COL24A1: variants seen among roughly 807,000 people sequenced by gnomAD.
COL24A1 encodes the protein collagen alpha-1(XXIV) chain.
A neutral mutation model predicts 253.9 loss-of-function variants in COL24A1; 224 were observed. That is an observed-to-expected ratio of 0.88 (90% CI 0.79 to 0.99). COL24A1 has a LOEUF of 0.99. COL24A1 is among the 50% of genes least tolerant of loss of function. The pLI is 0.00. For synonymous variants in COL24A1, 685 were observed against 673.7 expected, an observed-to-expected ratio of 1.02 and a Z score of -0.26; for missense variants, 2,131 against 2,068.5, an observed-to-expected ratio of 1.03 and a Z score of -0.59.
At position 85,961,246 on chromosome 1, in the gene COL24A1, T is replaced by C. The variant is rs1312861338; in HGVS notation, c.2562+3A>G. The stretch of plus-strand genomic sequence containing the variant: ...AAAAAATAAGAGCATAAAATAAGCT[T>C]ACTGTTTCACCAATTTTTCCAATAT... On this transcript the variant is annotated splice_donor_region_variant and intron_variant, in intron 24 of 59. Transcript: ENST00000370571. 3 of 1,591,800 alleles carry C rather than the reference T, an allele frequency of 1.9e-6. No homozygotes were observed. The highest frequency in any genetic ancestry group is 2.6e-6 in the Non-Finnish European group (3 of 1,160,544).
intron 47 of COL24A1, among the ~76,000 whole-genome samples, chr1:85,803,813 A>G (rs1671684348): frequency 6.6e-6 from 1 of 152,162 alleles, no homozygotes; most frequent in Non-Finnish European, 1.5e-5. Flanking sequence ...TACTTCTTCT[A>G]TTCCAATCTA....
At chr1:85,870,655 C>A (rs1334228730) in intron 35 of COL24A1, among the ~76,000 whole-genome samples, 1 of 152,118 alleles carries the variant, frequency 6.6e-6, no homozygotes, top group Non-Finnish European at 1.5e-5. Context: ...CCAATGAGAA[C>A]AAAGACACAA....
intron 19 of COL24A1, among the ~76,000 whole-genome samples, chr1:86,012,342 C>T (rs181396483): frequency 1.3e-5 from 2 of 152,156 alleles, no homozygotes; most frequent in Non-Finnish European, 2.9e-5. Flanking sequence ...GTAATCCCAG[C>T]ACTTTGGGAG....
chr1:85,870,149 A>C (rs576102517), intron 35 of COL24A1, among the ~76,000 whole-genome samples: 1 of 152,360 alleles, frequency 6.6e-6, no homozygotes, highest in African/African-American at 2.4e-5. Flanking sequence ...AGAGCTAACT[A>C]TCCTAAATAT....
chr1:86,075,644 A>C (rs1702194819), intron 7 of COL24A1, among the ~76,000 whole-genome samples: 1 of 152,226 alleles, frequency 6.6e-6, no homozygotes, highest in African/African-American at 2.4e-5. Flanking sequence ...AAAATACTCA[A>C]AAAAATACTT....
intron 5 of COL24A1, 105 bp downstream of exon 5, chr1:86,112,462 C>A (rs1262983006): frequency 2.1e-6 from 2 of 940,736 alleles, no homozygotes; most frequent in Non-Finnish European, 3.3e-6. Context: ...GACAGAGATC[C>A]TTGATGTATC....
chr1:86,004,923 A>T (rs763210246), intron 19 of COL24A1, among the ~76,000 whole-genome samples: 59 of 152,204 alleles, frequency 3.9e-4, no homozygotes, highest in Non-Finnish European at 4.0e-4. Context: ...TCAATCCAAT[A>T]AAGGCAGGAA....
chr1:85,773,514 T>C (rs1300739818), intron 53 of COL24A1, among the ~76,000 whole-genome samples: 1 of 152,176 alleles, frequency 6.6e-6, no homozygotes, highest in Non-Finnish European at 1.5e-5. Flanking sequence ...ATGGAATGTT[T>C]TTCCATTTGT....
At chr1:85,796,595 T>C (rs977061825) in intron 47 of COL24A1, among the ~76,000 whole-genome samples, 1 of 152,168 alleles carries the variant, frequency 6.6e-6, no homozygotes, top group African/African-American at 2.4e-5. Flanking sequence ...ATGAGGGCAG[T>C]TTTTTGACCA....
At chr1:85,918,861 A>C (rs184361430) in intron 24 of COL24A1, among the ~76,000 whole-genome samples, 1 of 152,338 alleles carries the variant, frequency 6.6e-6, no homozygotes, top group East Asian at 1.9e-4. Context: ...AGATTGTTTT[A>C]CTGTTTGAAA....
intron 1 of COL24A1, 77 bp from the exon 2 acceptor site, chr1:86,146,260 T>C (rs1208559845): frequency 3.6e-6 from 4 of 1,109,742 alleles, no homozygotes; most frequent in Non-Finnish European, 4.0e-6. Context: ...AAACAGTCTA[T>C]GCAAGATTAA....
chr1:86,126,143 G>T lies in COL24A1; in HGVS notation c.193C>A (p.Pro65Thr). The change falls in exon 3 of 60, where the codon CCA (proline) becomes ACA (threonine). Residue 65 changes from proline to threonine, a missense_variant. Pro to Thr is a conservative substitution (Grantham distance 38). Transcript: ENST00000370571. The part of the protein sequence containing the change: ...VRHSSPATAV[P>T]SASTPLPQGV... ...TGAGGTAACGGTGTAGATGCTGATG[G>T]TACAGCAGTCGCTGGTGATGAGTGT... 2.5e-6 allele frequency: 4 copies of T among 1,610,136 alleles called. No homozygotes were observed. In the East Asian group the frequency reaches 6.7e-5, roughly 27 times the overall value.
At chr1:85,974,867 A>C (rs1571434227) in intron 20 of COL24A1, among the ~76,000 whole-genome samples, 1 of 152,206 alleles carries the variant, frequency 6.6e-6, no homozygotes, top group Admixed American at 6.5e-5. Flanking sequence ...TCATGTTACC[A>C]TCAGCATCAT....
chr1:85,991,544 A>G (rs1275431173), intron 19 of COL24A1, among the ~76,000 whole-genome samples: 1 of 152,186 alleles, frequency 6.6e-6, no homozygotes, highest in Non-Finnish European at 1.5e-5. Context: ...AGTCTGTCTT[A>G]TAATTGTTTG....
chr1:86,033,060 C>T (rs1048124376), intron 13 of COL24A1, among the ~76,000 whole-genome samples: 3 of 152,106 alleles, frequency 2.0e-5, no homozygotes, highest in African/African-American at 7.2e-5. Context: ...AAAATCAGTT[C>T]TACTTTTATC....
At position 85,842,100 on chromosome 1, in the gene COL24A1, G is replaced by T. The variant is rs755786031; in HGVS notation, c.3538C>A (p.Pro1180Thr). The T allele has an allele frequency of 3.1e-6, 5 of 1,613,630 alleles. No homozygotes were observed. The highest frequency in any genetic ancestry group is 4.2e-6 in the Non-Finnish European group (5 of 1,179,786). ...GYRGHQGQPG[P>T]SGLPGPKGEK... ...CCTTTAGGTCCTGGCAATCCAGAGG[G>T]TCCTGGTTGGCCCTGATGGCCCTAC... is the stretch of plus-strand genomic sequence containing the variant. The change falls in exon 41 of 60, where the codon CCC becomes ACC. Residue 1180 changes from proline (P) to threonine (T), a missense_variant. Pro to Thr is a conservative substitution (Grantham distance 38, BLOSUM62 -1). Coordinates refer to ENST00000370571, the MANE Select transcript of COL24A1 (RefSeq NM_152890.7).
At chr1:85,865,261 A>C (rs1055483848) in intron 37 of COL24A1, among the ~76,000 whole-genome samples, 1 of 152,168 alleles carries the variant, frequency 6.6e-6, no homozygotes, top group Non-Finnish European at 1.5e-5. Flanking sequence ...AGAATTTTTA[A>C]AGTGCAAAAA....
chr1:85,998,891 T>G (rs912259367), intron 19 of COL24A1, among the ~76,000 whole-genome samples: 1 of 152,210 alleles, frequency 6.6e-6, no homozygotes, highest in African/African-American at 2.4e-5. Context: ...TGCAAAAAAG[T>G]TGACACTCTG....
chr1:86,063,734 G>T lies in COL24A1; in HGVS notation c.1733C>A (p.Pro578Gln). Residue 578 changes from proline (P) to glutamine (Q), a missense_variant, in exon 8 of 60, where the codon CCA becomes CAA. Pro to Gln is a moderately conservative substitution (Grantham distance 76). Coordinates refer to ENST00000370571, the MANE Select transcript of COL24A1 (RefSeq NM_152890.7). ...DKGLKGHPGL[P>Q]GLPGEQGIPG... ...ACCTACTTGTTCACCTGGAAGTCCTGGGAGTCCAGGATGTCCTTTGAGACC... is the reference window on the plus strand; with the variant it reads ...ACCTACTTGTTCACCTGGAAGTCCTTGGAGTCCAGGATGTCCTTTGAGACC... 3 of 1,554,606 alleles carry T rather than the reference G, an allele frequency of 1.9e-6. No individual in the cohort carries two copies. The South Asian group carries it at 3.7e-5, about 19-fold the overall frequency.
Sources: gnomAD v4.1 joint callset for allele counts (sites outside exome capture counted in the v4.1 genomes callset) on GRCh38, gnomAD v4.1.1 for gene constraint, MANE v1.5 for transcripts, NCBI Gene and HGNC (gene_info 2026-07-23, HGNC 2026-07-21) for gene names.